MGAT5: variants seen among roughly 807,000 people sequenced by gnomAD.
MGAT5 encodes alpha-1,6-mannosylglycoprotein 6-beta-N-acetylglucosaminyltransferase A.
MGAT5 carries 30 observed loss-of-function variants against 94.3 expected under a neutral mutation model. The observed-to-expected ratio is 0.32, with a 90% CI of 0.24 to 0.43. The LOEUF (loss-of-function observed/expected upper bound fraction) is 0.43. MGAT5 is among the 20% of genes least tolerant of loss of function. MGAT5 has a pLI of 1.00. For missense variants in MGAT5, 691 were observed against 905.5 expected, an observed-to-expected ratio of 0.76 and a Z score of 3.04; for synonymous variants, 310 against 322.9, an observed-to-expected ratio of 0.96 and a Z score of 0.43.
intron 2 of MGAT5, among the ~76,000 whole-genome samples, chr2:134,288,855 CCTT>C (rs1219860218): frequency 6.6e-6 from 1 of 152,180 alleles, no homozygotes; most frequent in Non-Finnish European, 1.5e-5. Context: ...TACTCCCACA[CCTT>C]CTGGAAATAT....
At position 134,332,753 on chromosome 2, in the gene MGAT5, C is replaced by T. The variant is rs566717631; in HGVS notation, c.574-3464C>T. ...AAACAAATTTACAAGAAAAAAACAA[C>T]CCCATCAAAAAGTGGGCGAAGGACA... On this transcript the variant is annotated intron_variant, in intron 4 of 15. Coordinates refer to ENST00000281923, the MANE Select transcript of MGAT5 (RefSeq NM_002410.5). Among the ~76,000 whole-genome samples, 27 of 152,024 alleles carry T rather than the reference C, an allele frequency of 1.8e-4. 1 individual carries two copies. The highest frequency in any genetic ancestry group is 2.5e-4 in the Non-Finnish European group (17 of 67,972).
chr2:134,145,214 C>CTCTCTCTCTGTGTGTG (rs373377770), intron 1 of MGAT5, among the ~76,000 whole-genome samples: 2 of 143,762 alleles, frequency 1.4e-5, no homozygotes, highest in Non-Finnish European at 3.1e-5. Context: ...GTCTCTCTCT[C>CTCTCTCTCTGTGTGTG]TGTGTGTGTG....
chr2:134,403,002 C>G lies in MGAT5; in HGVS notation c.1395C>G (p.Tyr465Ter). 1.3e-6 allele frequency: 2 copies of G among 1,595,344 alleles called. No individual in the cohort carries two copies. Among genetic ancestry groups the G allele is most frequent in the Non-Finnish European group, 8.5e-7 (1 of 1,174,834 alleles). The change falls in exon 11 of 16, where the codon TAC becomes TAG. Residue 465 changes from tyrosine (Y) to a stop codon, truncating the protein, a stop_gained. Coordinates refer to ENST00000281923, the MANE Select transcript of MGAT5 (RefSeq NM_002410.5). LOFTEE classifies it high-confidence loss of function. The stretch of plus-strand genomic sequence containing the variant: ...TTCTTCTTTAGAATAAGAAGATCTA[C>G]TTGGACATTATTCACACATACATGG... Reference protein sequence around the residue: ...VDSFWKNKKIYLDIIHTYMEV... With the variant: ...VDSFWKNKKI
chr2:134,318,409 C>T (rs1459225488), intron 3 of MGAT5, among the ~76,000 whole-genome samples: 2 of 152,196 alleles, frequency 1.3e-5, no homozygotes, highest in South Asian at 2.1e-4. Flanking sequence ...CACGACCTTA[C>T]TCTCCACTCT....
At chr2:134,202,520 G>A (rs1181566215) in intron 1 of MGAT5, among the ~76,000 whole-genome samples, 1 of 152,198 alleles carries the variant, frequency 6.6e-6, no homozygotes, top group Non-Finnish European at 1.5e-5. Context: ...GCAGTCTAAA[G>A]TGTTTCGTTT....
At chr2:134,338,222 T>C in intron 5 of MGAT5, 37 bp from the exon 6 acceptor site, 1 of 1,525,028 alleles carries the variant, frequency 6.6e-7, no homozygotes, top group East Asian at 2.3e-5. Flanking sequence ...TTCTGACTTT[T>C]TATCTTCTAT....
At chr2:134,155,361 C>T (rs1331085589) in intron 1 of MGAT5, among the ~76,000 whole-genome samples, 1 of 152,232 alleles carries the variant, frequency 6.6e-6, no homozygotes, top group African/African-American at 2.4e-5. Flanking sequence ...CTCCATTCTC[C>T]TGCAGAGTGA....
At chr2:134,291,135 G>C (rs1293101333) in intron 2 of MGAT5, among the ~76,000 whole-genome samples, 1 of 152,178 alleles carries the variant, frequency 6.6e-6, no homozygotes, top group East Asian at 1.9e-4. Context: ...CTGGGAAAGA[G>C]GTTGAAGGTG....
intron 2 of MGAT5, among the ~76,000 whole-genome samples, chr2:134,312,775 G>A (rs1473393073): frequency 1.3e-5 from 2 of 152,044 alleles, no homozygotes; most frequent in African/African-American, 4.8e-5. Flanking sequence ...AGTGAAGGTG[G>A]GCTAAATTAG....
At chr2:134,429,295 C>T (rs1415748405) in intron 14 of MGAT5, among the ~76,000 whole-genome samples, 3 of 152,232 alleles carry the variant, frequency 2.0e-5, no homozygotes, top group African/African-American at 4.8e-5. Flanking sequence ...TTTGAGGAGA[C>T]TGAAACTGTG....
chr2:134,157,705 G>T (rs1191603779), intron 1 of MGAT5, among the ~76,000 whole-genome samples: 1 of 152,046 alleles, frequency 6.6e-6, no homozygotes, highest in Non-Finnish European at 1.5e-5. Flanking sequence ...TGTAGAATCA[G>T]TGGGAGCCCT....
chr2:134,140,086 T>A (rs1686591479), intron 1 of MGAT5, among the ~76,000 whole-genome samples: 1 of 152,142 alleles, frequency 6.6e-6, no homozygotes, highest in Non-Finnish European at 1.5e-5. Context: ...GAGAGGCACT[T>A]GGGGGCTCAC....
chr2:134,189,602 G>GTTTTTTTTTTGTTTTTTTT (rs1689241661), intron 1 of MGAT5, among the ~76,000 whole-genome samples: 3 of 84,672 alleles, frequency 3.5e-5, no homozygotes, highest in Non-Finnish European at 6.9e-5. Context: ...GTTTTTTTTT[G>GTTTTTTTTTTGTTTTTTTT]TTTTTTTTTT....
At chr2:134,303,109 A>G (rs578068873) in intron 2 of MGAT5, among the ~76,000 whole-genome samples, 7 of 151,802 alleles carry the variant, frequency 4.6e-5, no homozygotes, top group Non-Finnish European at 1.0e-4. Context: ...TATGTGTTTT[A>G]TTTGTCTTAG....
rs959127172 is a variant in MGAT5 at position 134,268,158 on chromosome 2, C to T, written c.242-2228C>T. Among the ~76,000 whole-genome samples the T allele has an allele frequency of 6.6e-6, 1 of 152,212 alleles. No individual in the cohort carries two copies. Among genetic ancestry groups the T allele is most frequent in the Non-Finnish European group, 1.5e-5 (1 of 68,042 alleles). On this transcript the variant is annotated intron_variant, in intron 1 of 15. Coordinates refer to ENST00000281923, the MANE Select transcript of MGAT5 (RefSeq NM_002410.5). This position sits in a 1 kb window ranked among gnomAD's most constrained non-coding sequence, Gnocchi z 4.1. ...CAAAGAATTACCCGGCCCAAAGTGT[C>T]AGTAGTGCCGAGGTTGAGAAATCCT...
intron 1 of MGAT5, among the ~76,000 whole-genome samples, chr2:134,133,086 G>A (rs1299307899): frequency 6.6e-6 from 1 of 152,112 alleles, no homozygotes; most frequent in African/African-American, 2.4e-5. Flanking sequence ...CTTTTTTGGT[G>A]ATATAATGGA....
intron 1 of MGAT5, among the ~76,000 whole-genome samples, chr2:134,170,836 G>C (rs1344055688): frequency 6.6e-6 from 1 of 151,006 alleles, no homozygotes. Context: ...GAAGCACATA[G>C]TAGATATAGA....
chr2:134,369,579 C>A (rs1193561868), intron 10 of MGAT5, among the ~76,000 whole-genome samples: 1 of 152,134 alleles, frequency 6.6e-6, no homozygotes, highest in Non-Finnish European at 1.5e-5. Flanking sequence ...CTGTTTGATT[C>A]TGTATATATT....
chr2:134,123,946 A>G (rs562082697), intron 1 of MGAT5, among the ~76,000 whole-genome samples: 19 of 152,282 alleles, frequency 1.2e-4, no homozygotes, highest in African/African-American at 1.7e-4. Context: ...TACACTTTCA[A>G]ATTTCTCTTT....
Sources: gnomAD v4.1 joint callset for allele counts (sites outside exome capture counted in the v4.1 genomes callset) on GRCh38, gnomAD v4.1.1 for gene constraint, Gnocchi (gnomAD v3.1) non-coding constraint, MANE v1.5 for transcripts, NCBI Gene and HGNC (gene_info 2026-07-23, HGNC 2026-07-21) for gene names.